The following RBFOX3 variants were observed in gnomAD, a reference collection of about 807,000 sequenced individuals.
The protein encoded by RBFOX3 is RNA binding protein fox-1 homolog 3.
RBFOX3 carries 17 observed loss-of-function variants against 48.7 expected under a neutral mutation model. The ratio of observed to expected loss-of-function variants is 0.35; its 90% CI spans 0.24 to 0.52. The LOEUF (loss-of-function observed/expected upper bound fraction) is 0.52. RBFOX3 is among the 20% of genes least tolerant of loss of function. The probability of loss-of-function intolerance (pLI) is 0.94; values close to 1 mark genes in which losing one functional copy is unlikely to be tolerated. For synonymous variants in RBFOX3, 212 were observed against 209.5 expected, an observed-to-expected ratio of 1.01 and a Z score of -0.10; for missense variants, 382 against 497.5, an observed-to-expected ratio of 0.77 and a Z score of 2.21.
At chr17:79,114,512 C>A (rs1213551370) in intron 5 of RBFOX3, among the ~76,000 whole-genome samples, 5 of 152,220 alleles carry the variant, frequency 3.3e-5, no homozygotes, top group African/African-American at 1.2e-4. Flanking sequence ...GAAGCCCCTG[C>A]CCACACATGC....
intron 1 of RBFOX3, among the ~76,000 whole-genome samples, chr17:79,607,570 T>C (rs2093862321): frequency 1.3e-5 from 2 of 152,190 alleles, no homozygotes; most frequent in Non-Finnish European, 2.9e-5. Context: ...GCGTGACTTA[T>C]GCATTCCTTC....
rs1031595936 is a variant in RBFOX3 at position 79,159,810 on chromosome 17, C to A, written c.-33-44062G>T. Among the ~76,000 whole-genome samples, 12 of 152,378 alleles carry A rather than the reference C, an allele frequency of 7.9e-5. No homozygotes were observed. The South Asian group carries it at 1.7e-3, about 21-fold the overall frequency. On this transcript the variant is annotated intron_variant, in intron 4 of 14. Coordinates refer to ENST00000693108, the MANE Select transcript of RBFOX3 (RefSeq NM_001350451.2). ...CACACACACACTACCTCCACACTCA[C>A]ACCCTACAGCTGCTGAGGAGGGTGA...
At chr17:79,437,195 C>A (rs540823277) in intron 2 of RBFOX3, among the ~76,000 whole-genome samples, 13 of 152,114 alleles carry the variant, frequency 8.5e-5, no homozygotes, top group Non-Finnish European at 1.8e-4. Flanking sequence ...CCCCAGGAGC[C>A]CCCCTGGGGT....
chr17:79,283,662 C>G (rs1281183834), intron 3 of RBFOX3, among the ~76,000 whole-genome samples: 1 of 152,230 alleles, frequency 6.6e-6, no homozygotes, highest in African/African-American at 2.4e-5. Context: ...GATGCCTGGG[C>G]AGCCCAGGAC....
At chr17:79,102,063 AC>A (rs1364309079) in intron 8 of RBFOX3, among the ~76,000 whole-genome samples, 1 of 151,936 alleles carries the variant, frequency 6.6e-6, no homozygotes, top group East Asian at 1.9e-4. Flanking sequence ...ATGGCCACAT[AC>A]CCCTCCTGGA....
chr17:79,420,841 G>A (rs557157275), intron 2 of RBFOX3, among the ~76,000 whole-genome samples: 6 of 152,198 alleles, frequency 3.9e-5, no homozygotes, highest in Non-Finnish European at 7.4e-5. Flanking sequence ...CAGGGTCTTC[G>A]TCTAGCCAGG....
At chr17:79,433,851 T>C (rs1371946062) in intron 2 of RBFOX3, among the ~76,000 whole-genome samples, 1 of 152,232 alleles carries the variant, frequency 6.6e-6, no homozygotes, top group East Asian at 1.9e-4. Context: ...CCTGCAAGCT[T>C]CTGGTCGCAA....
At chr17:79,438,104 GCACA>G (rs10659732) in intron 2 of RBFOX3, among the ~76,000 whole-genome samples, 1 of 150,686 alleles carries the variant, frequency 6.6e-6, no homozygotes, top group Non-Finnish European at 1.5e-5. Flanking sequence ...GTGCACAGGC[GCACA>G]CACACACACA....
intron 4 of RBFOX3, among the ~76,000 whole-genome samples, chr17:79,155,416 G>A (rs2045557653): frequency 6.6e-6 from 1 of 152,262 alleles, no homozygotes; most frequent in African/African-American, 2.4e-5. Flanking sequence ...GTCCGGGGCG[G>A]CAGGCTCCCA....
intron 4 of RBFOX3, among the ~76,000 whole-genome samples, chr17:79,230,017 G>A (rs1452555808): frequency 1.3e-5 from 2 of 152,178 alleles, no homozygotes; most frequent in Non-Finnish European, 2.9e-5. Context: ...CTCAGCTGAG[G>A]CAGGTGCAGG....
At chr17:79,393,183 A>G (rs1156978906) in intron 2 of RBFOX3, among the ~76,000 whole-genome samples, 1 of 152,264 alleles carries the variant, frequency 6.6e-6, no homozygotes, top group Non-Finnish European at 1.5e-5. Flanking sequence ...TCAAACACAC[A>G]AAACCTTTAT....
intron 4 of RBFOX3, among the ~76,000 whole-genome samples, chr17:79,151,361 ACG>A (rs1315250132): frequency 7.0e-6 from 1 of 143,636 alleles, no homozygotes; most frequent in East Asian, 2.1e-4. Flanking sequence ...GTTCGGTGTC[ACG>A]GGAAGGAGGG....
At chr17:79,122,408 CG>C in intron 4 of RBFOX3, among the ~76,000 whole-genome samples, 1 of 152,110 alleles carries the variant, frequency 6.6e-6, no homozygotes, top group Non-Finnish European at 1.5e-5. Flanking sequence ...GTTCCTTGAA[CG>C]TCTAGCTGCC....
At chr17:79,179,585 G>A (rs541327599) in intron 4 of RBFOX3, among the ~76,000 whole-genome samples, 36 of 139,480 alleles carry the variant, frequency 2.6e-4, no homozygotes, top group Middle Eastern at 3.6e-3. Flanking sequence ...CCTCTCCCCC[G>A]GAGCCATTTA....
At chr17:79,182,366 G>A (rs945814494) in intron 4 of RBFOX3, among the ~76,000 whole-genome samples, 1 of 152,216 alleles carries the variant, frequency 6.6e-6, no homozygotes, top group African/African-American at 2.4e-5. Context: ...GGCAGCCAGG[G>A]TGGGTGAGGC....
At position 79,311,036 on chromosome 17, in the gene RBFOX3, G is replaced by T. The variant is rs554155658; in HGVS notation, c.-174-3212C>A. 1.8e-4 allele frequency among the ~76,000 whole-genome samples: 28 copies of T among 152,250 alleles called. 1 individual carries two copies. Among genetic ancestry groups the T allele is most frequent in the Admixed American group, 1.4e-3 (21 of 15,286 alleles). ...CACAGGATATGGCCTTTCTTAATGTGGGTGGGTGGGCTTCATCCAGTCAGT... is the reference window on the plus strand; with the variant it reads ...CACAGGATATGGCCTTTCTTAATGTTGGTGGGTGGGCTTCATCCAGTCAGT... On this transcript the variant is annotated intron_variant, in intron 2 of 14. Transcript: ENST00000693108. This position sits in a 1 kb window ranked among gnomAD's most constrained non-coding sequence, Gnocchi z 4.2.
At chr17:79,304,214 A>T (rs2075766802) in intron 3 of RBFOX3, among the ~76,000 whole-genome samples, 1 of 152,100 alleles carries the variant, frequency 6.6e-6, no homozygotes, top group Non-Finnish European at 1.5e-5. Context: ...GGGACTGGTT[A>T]TGGTTTTTCT....
chr17:79,570,208 A>T (rs1422154818), intron 1 of RBFOX3, among the ~76,000 whole-genome samples: 1 of 151,156 alleles, frequency 6.6e-6, no homozygotes, highest in Non-Finnish European at 1.5e-5. Flanking sequence ...TAGTAGATGG[A>T]TGGATGGATA....
At chr17:79,260,875 T>C (rs1285397047) in intron 3 of RBFOX3, among the ~76,000 whole-genome samples, 1 of 152,050 alleles carries the variant, frequency 6.6e-6, no homozygotes, top group Non-Finnish European at 1.5e-5. Flanking sequence ...CCAGACTCTA[T>C]CACCCTCCAC....
Sources: gnomAD v4.1 joint callset for allele counts (sites outside exome capture counted in the v4.1 genomes callset) on GRCh38, gnomAD v4.1.1 for gene constraint, Gnocchi (gnomAD v3.1) non-coding constraint, MANE v1.5 for transcripts, NCBI Gene and HGNC (gene_info 2026-07-23, HGNC 2026-07-21) for gene names.